AXDND1: variants seen among roughly 807,000 people sequenced by gnomAD.
AXDND1 encodes axonemal dynein light chain domain-containing protein 1.
A neutral mutation model predicts 137.5 loss-of-function variants in AXDND1; 110 were observed. The observed-to-expected ratio is 0.80, with a 90% CI of 0.69 to 0.94. The LOEUF is 0.94. Ranked by LOEUF, AXDND1 falls within the 40% of genes least tolerant of loss-of-function variation. The probability of loss-of-function intolerance (pLI) is 0.00; values close to 1 mark genes in which losing one functional copy is unlikely to be tolerated. For missense variants in AXDND1, 1,191 were observed against 1,169.8 expected (o/e 1.02, Z -0.26); for synonymous variants, 414 against 399.7 (o/e 1.04, Z -0.43).
intron 4 of AXDND1, 65 bp from the exon 5 acceptor site, chr1:179,378,572 A>T: frequency 7.9e-7 from 1 of 1,260,008 alleles, no homozygotes. Flanking sequence ...TGTGGATCTC[A>T]CCTGCTGTTA....
intron 11 of AXDND1, among the ~76,000 whole-genome samples, chr1:179,400,596 G>GAA (rs1403112166): frequency 2.6e-5 from 2 of 77,166 alleles, no homozygotes. Flanking sequence ...AATTAGGGAA[G>GAA]AAATAAAAAA....
Position 179,385,346 on chromosome 1 carries a change from C to T in AXDND1, c.850C>T (p.Leu284=). 1 of 1,614,084 alleles carries T rather than the reference C, an allele frequency of 6.2e-7. No individual in the cohort carries two copies. Among genetic ancestry groups the T allele is most frequent in the Non-Finnish European group, 8.5e-7 (1 of 1,179,984 alleles). Residue 284 remains leucine (L), a synonymous_variant, in exon 9 of 26, where the codon CTG becomes TTG. Coordinates refer to ENST00000367618, the MANE Select transcript of AXDND1 (RefSeq NM_144696.6). ...GGACTGTGCAGACAGAGGAGAACTTCTGTCTAAAGTCAGGTTAGTGCTGTT... is the reference window on the plus strand; with the variant it reads ...GGACTGTGCAGACAGAGGAGAACTTTTGTCTAAAGTCAGGTTAGTGCTGTT... ...SVDCADRGEL[L]SKVRERYVQM...
intron 4 of AXDND1, among the ~76,000 whole-genome samples, chr1:179,374,359 G>T (rs1157921499): frequency 6.6e-6 from 1 of 152,118 alleles, no homozygotes; most frequent in Admixed American, 6.6e-5. Flanking sequence ...AAATAGGAAC[G>T]CTTTTACACT....
intron 17 of AXDND1, among the ~76,000 whole-genome samples, chr1:179,479,147 A>G (rs181912356): frequency 6.6e-6 from 1 of 151,998 alleles, no homozygotes; most frequent in East Asian, 1.9e-4. Flanking sequence ...CTTTAACAGC[A>G]CCCAAGTCAC....
chr1:179,421,060 CCTTCCTTCCTTCCTTCCTTCCTTCCTT>C (rs2125268731), intron 12 of AXDND1, among the ~76,000 whole-genome samples: 1 of 114,214 alleles, frequency 8.8e-6, no homozygotes, highest in East Asian at 4.7e-4. Context: ...TTCCTTCCTT[CCTTCCTTCCTTCCTTCCTTCCTTCCTT>C]CCTTCCTTTC....
intron 12 of AXDND1, among the ~76,000 whole-genome samples, chr1:179,420,814 T>A (rs1037213468): frequency 6.6e-6 from 1 of 151,916 alleles, no homozygotes; most frequent in African/African-American, 2.4e-5. Flanking sequence ...GTAGAGACGG[T>A]TTCACCATGT....
At position 179,406,161 on chromosome 1, in the gene AXDND1, G is replaced by C. The variant is rs188293155; in HGVS notation, c.1110-4985G>C. ...TGTTTAACTTCCACATATTTGTACA[G>C]TTTCCAAAGTTTCTCTTGTTATTAA... On this transcript the variant is annotated intron_variant, in intron 11 of 25. Transcript: ENST00000367618. Among the ~76,000 whole-genome samples the C allele has an allele frequency of 1.9e-3, 269 of 144,526 alleles. 6 individuals carry two copies. The highest frequency in any genetic ancestry group is 3.1e-4 in the Non-Finnish European group (20 of 64,966). The allele number at this position is 144,526 out of a possible 152,430, so 94.8% of individuals were successfully genotyped here.
At chr1:179,481,723 C>T (rs1665413791) in intron 17 of AXDND1, among the ~76,000 whole-genome samples, 1 of 152,190 alleles carries the variant, frequency 6.6e-6, no homozygotes, top group South Asian at 2.1e-4. Context: ...ATTTGCATTT[C>T]TCTGATGGCC....
At chr1:179,524,811 G>GT (rs1329614072) in intron 21 of AXDND1, among the ~76,000 whole-genome samples, 2 of 151,972 alleles carry the variant, frequency 1.3e-5, no homozygotes, top group African/African-American at 4.8e-5. Context: ...TAGAATGATT[G>GT]TTTTGAAATG....
At chr1:179,550,289 A>T (rs1346815087) in intron 25 of AXDND1, among the ~76,000 whole-genome samples, 2 of 152,234 alleles carry the variant, frequency 1.3e-5, no homozygotes, top group African/African-American at 2.4e-5. Context: ...ATGGAAAATA[A>T]GACTTAGAGA....
At chr1:179,366,851 A>T (rs1667473482) in intron 2 of AXDND1, among the ~76,000 whole-genome samples, 1 of 152,210 alleles carries the variant, frequency 6.6e-6, no homozygotes, top group Non-Finnish European at 1.5e-5. Context: ...TATGATTTTA[A>T]ATTCAACCTA....
intron 2 of AXDND1, among the ~76,000 whole-genome samples, chr1:179,368,365 A>G (rs1009841161): frequency 6.6e-6 from 1 of 152,254 alleles, no homozygotes; most frequent in African/African-American, 2.4e-5. Flanking sequence ...ATTTAATGCA[A>G]TTATTCTCAC....
At chr1:179,372,240 C>T (rs1668104784) in intron 4 of AXDND1, among the ~76,000 whole-genome samples, 2 of 152,148 alleles carry the variant, frequency 1.3e-5, no homozygotes, top group South Asian at 2.1e-4. Context: ...ACAACTCTTT[C>T]AGCAGAGTTC....
At chr1:179,544,611 T>A in intron 25 of AXDND1, 1 of 142,454 alleles carries the variant, frequency 7.0e-6, no homozygotes, top group Non-Finnish European at 1.5e-5. Context: ...GAGGTGGAGG[T>A]TGCAGTGAGC....
chr1:179,520,513 A>G (rs1669952746), intron 21 of AXDND1, among the ~76,000 whole-genome samples: 1 of 152,088 alleles, frequency 6.6e-6, no homozygotes, highest in Non-Finnish European at 1.5e-5. Flanking sequence ...CCTGGGCTTA[A>G]GTGATCCTCC....
intron 20 of AXDND1, among the ~76,000 whole-genome samples, chr1:179,499,863 A>G (rs1667817393): frequency 6.6e-6 from 1 of 152,192 alleles, no homozygotes; most frequent in Non-Finnish European, 1.5e-5. Flanking sequence ...ACAAATAAAT[A>G]TAACCCAGAA....
chr1:179,518,185 G>A (rs1439007561), intron 21 of AXDND1, among the ~76,000 whole-genome samples: 1 of 152,064 alleles, frequency 6.6e-6, no homozygotes, highest in Non-Finnish European at 1.5e-5. Context: ...TCTGCGAACT[G>A]GTCCTAGTTC....
rs369955841 is a variant in AXDND1, at chr1:179,473,159, T to G, written c.1997+4518T>G. On this transcript the variant is annotated intron_variant, in intron 17 of 25. Transcript: ENST00000367618. ...TTTCTGTACTGACTTTTCTCTACAT[T>G]TAAAAAGTTTTTTAAATGGCTTCTC... 2.6e-5 allele frequency among the ~76,000 whole-genome samples: 4 copies of G among 152,278 alleles called. No homozygotes were observed. In the East Asian group the frequency reaches 7.7e-4, roughly 29 times the overall value.
intron 11 of AXDND1, among the ~76,000 whole-genome samples, chr1:179,398,977 G>A (rs1368551252): frequency 6.6e-6 from 1 of 152,196 alleles, no homozygotes. Flanking sequence ...AAACATGCCT[G>A]CACACACATG....
Sources: gnomAD v4.1 joint callset for allele counts (sites outside exome capture counted in the v4.1 genomes callset) on GRCh38, gnomAD v4.1.1 for gene constraint, MANE v1.5 for transcripts, NCBI Gene and HGNC (gene_info 2026-07-23, HGNC 2026-07-21) for gene names.